The following HTR2A variants were observed in gnomAD, a reference collection of about 807,000 sequenced individuals.
HTR2A encodes 5-hydroxytryptamine receptor 2A, also known as 5-HT2 receptor.
Under a neutral mutation model 31.0 loss-of-function variants are expected in HTR2A, and 14 were observed. The observed-to-expected ratio is 0.45, with a 90% CI of 0.30 to 0.71. The LOEUF is 0.71. Ranked by LOEUF, HTR2A falls within the 30% of genes least tolerant of loss-of-function variation. HTR2A has a pLI of 0.09. For synonymous variants in HTR2A, 209 were observed against 225.2 expected, an observed-to-expected ratio of 0.93 and a Z score of 0.64; for missense variants, 442 against 573.3, an observed-to-expected ratio of 0.77 and a Z score of 2.34.
rs544014145 is a variant in HTR2A, at chr13:46,881,265, G to A, written c.613+11125C>T. Among the ~76,000 whole-genome samples, 43 of 152,280 alleles carry A rather than the reference G, an allele frequency of 2.8e-4. 1 individual carries two copies. The South Asian group carries it at 8.7e-3, about 31-fold the overall frequency. The stretch of plus-strand genomic sequence containing the variant: ...CAAGAGAAGGGGTGGGCCAAGTGGT[G>A]GCCCTGCGGATCCTTTGTTTCAGGG... On this transcript the variant is annotated intron_variant, in intron 3 of 3. Coordinates refer to ENST00000542664, the MANE Select transcript of HTR2A (RefSeq NM_000621.5).
intron 3 of HTR2A, among the ~76,000 whole-genome samples, chr13:46,850,726 C>T (rs1226220642): frequency 4.6e-5 from 7 of 152,242 alleles, no homozygotes; most frequent in African/African-American, 7.2e-5. Flanking sequence ...AGGGGCTATA[C>T]GTTTCTCATT....
rs750891530 is a variant in HTR2A, at chr13:46,892,421, C to T, written c.582G>A (p.Leu194=). The change falls in exon 3 of 4, where the codon CTG becomes CTA. Residue 194 remains leucine, a synonymous_variant. Transcript: ENST00000542664. The part of the protein sequence containing the change: ...SRFNSRTKAF[L]KIIAVWTISV... ...ATATGGTCCAAACAGCAATGATTTT[C>T]AGAAATGCCTTAGTTCTGGAGTTGA... 1.2e-6 allele frequency: 2 copies of T among 1,614,098 alleles called. No homozygotes were observed. Among genetic ancestry groups the T allele is most frequent in the African/African-American group, 2.7e-5 (2 of 74,942 alleles).
At chr13:46,888,195 C>T (rs1055518465) in intron 3 of HTR2A, among the ~76,000 whole-genome samples, 1 of 151,972 alleles carries the variant, frequency 6.6e-6, no homozygotes, top group East Asian at 1.9e-4. Context: ...GGGGCAGAAG[C>T]AATATTTGAA....
intron 3 of HTR2A, among the ~76,000 whole-genome samples, chr13:46,879,617 C>T (rs926725435): frequency 1.3e-5 from 2 of 152,158 alleles, no homozygotes; most frequent in Non-Finnish European, 2.9e-5. Flanking sequence ...AACAATTGTG[C>T]ATGATGGTCT....
At chr13:46,857,775 A>G (rs1056054188) in intron 3 of HTR2A, among the ~76,000 whole-genome samples, 1 of 152,204 alleles carries the variant, frequency 6.6e-6, no homozygotes, top group Non-Finnish European at 1.5e-5. Flanking sequence ...GTAATTTGAT[A>G]TGAGGTAAGG....
rs1876366706 is a variant in HTR2A at position 46,834,601 on chromosome 13, A to G, written c.*236T>C. 2 of 481,564 alleles carry G rather than the reference A, an allele frequency of 4.2e-6. No individual in the cohort carries two copies. Among genetic ancestry groups the G allele is most frequent in the Admixed American group, 7.4e-5 (2 of 27,004 alleles). 29.8% of individuals were successfully genotyped at this position (481,564 alleles called of 1,614,324 possible). On this transcript the variant is annotated 3_prime_UTR_variant, in exon 4 of 4. Coordinates refer to ENST00000542664, the MANE Select transcript of HTR2A (RefSeq NM_000621.5). Reference sequence around the variant, plus strand: ...TCATTTTAAAGACATATCATTTACAATGTTATAAATAAGTATCAGAAAGCT... The same window carrying G: ...TCATTTTAAAGACATATCATTTACAGTGTTATAAATAAGTATCAGAAAGCT...
intron 3 of HTR2A, among the ~76,000 whole-genome samples, chr13:46,876,143 C>G (rs73175521): frequency 0.045 from 6,912 of 152,076 alleles, 171 homozygotes; most frequent in Middle Eastern, 0.079. Flanking sequence ...ATCATAACAT[C>G]TTTCTTCCAT....
In HTR2A at chr13:46,834,876, G is replaced by A; in HGVS notation, c.1377C>T (p.Asp459=). ...CCTTTTCATTCACTCCGTCGCTATT[G>A]TCTTTAGAAGCCTCTTCAGAATGCT... The part of the protein sequence containing the change: ...GKQHSEEASK[D]NSDGVNEKVS... The change falls in exon 4 of 4, where the codon GAC becomes GAT. Residue 459 remains aspartate, a synonymous_variant. Transcript: ENST00000542664. The A allele has an allele frequency of 6.2e-7, 1 of 1,613,634 alleles. No homozygotes were observed. The highest frequency in any genetic ancestry group is 8.5e-7 in the Non-Finnish European group (1 of 1,179,836).
At chr13:46,882,123 A>T in intron 3 of HTR2A, among the ~76,000 whole-genome samples, 1 of 152,200 alleles carries the variant, frequency 6.6e-6, no homozygotes, top group South Asian at 2.1e-4. Flanking sequence ...CAAAAGGTCT[A>T]GAAAGTAGAT....
chr13:46,838,543 T>C (rs918526121), intron 3 of HTR2A, among the ~76,000 whole-genome samples: 4 of 152,170 alleles, frequency 2.6e-5, no homozygotes, highest in African/African-American at 7.2e-5. Flanking sequence ...TTGTATACAC[T>C]AGATTTTATA....
At chr13:46,852,864 T>C (rs2770299) in intron 3 of HTR2A, among the ~76,000 whole-genome samples, 150,082 of 152,316 alleles carry the variant, frequency 0.99, 73,971 homozygotes, top group East Asian at 1. Flanking sequence ...TGGTGGAAAA[T>C]GAACACCTTA....
chr13:46,843,663 G>A (rs926560292), intron 3 of HTR2A, among the ~76,000 whole-genome samples: 2 of 152,040 alleles, frequency 1.3e-5, no homozygotes, highest in Non-Finnish European at 2.9e-5. Flanking sequence ...CATGGGGAAG[G>A]GGCAATCTAA....
intron 3 of HTR2A, among the ~76,000 whole-genome samples, chr13:46,874,656 G>T (rs1950892280): frequency 6.6e-6 from 1 of 152,240 alleles, no homozygotes; most frequent in South Asian, 2.1e-4. Flanking sequence ...GGCAAGGTTG[G>T]TGTCTTGCCA....
chr13:46,896,442 G>C (rs899599530), intron 1 of HTR2A, among the ~76,000 whole-genome samples: 5 of 152,180 alleles, frequency 3.3e-5, no homozygotes, highest in African/African-American at 1.2e-4. Flanking sequence ...TGTACTTTGG[G>C]TTACAGTTCT....
intron 3 of HTR2A, among the ~76,000 whole-genome samples, chr13:46,840,413 T>G (rs1054721614): frequency 6.6e-6 from 1 of 152,202 alleles, no homozygotes; most frequent in African/African-American, 2.4e-5. Context: ...TTTCTCAGAT[T>G]AATTCCAAAT....
chr13:46,884,864 A>T (rs1010201025), intron 3 of HTR2A, among the ~76,000 whole-genome samples: 2 of 151,934 alleles, frequency 1.3e-5, no homozygotes, highest in Admixed American at 1.3e-4. Context: ...TCACTATATT[A>T]TCATTAGTTT....
Position 46,835,542 on chromosome 13 carries a change from G to T in HTR2A, c.711C>A (p.Ile237=). The T allele has an allele frequency of 6.2e-7, 1 of 1,613,966 alleles. No homozygotes were observed. The change falls in exon 4 of 4, where the codon ATC becomes ATA. Residue 237 remains isoleucine (I), a synonymous_variant. Transcript: ENST00000542664. ...GAATGAAAAATGACACAAAAGAGCCGATCAGGACAAAGTTATCATCGGCGA... is the reference window on the plus strand; with the variant it reads ...GAATGAAAAATGACACAAAAGAGCCTATCAGGACAAAGTTATCATCGGCGA... ...CLLADDNFVL[I]GSFVSFFIPL... is the part of the protein sequence containing the mutation.
At chr13:46,859,466 C>G (rs563877657) in intron 3 of HTR2A, among the ~76,000 whole-genome samples, 1 of 152,148 alleles carries the variant, frequency 6.6e-6, no homozygotes, top group East Asian at 1.9e-4. Flanking sequence ...TGTGTCCCTG[C>G]TCAAATCTCC....
intron 3 of HTR2A, among the ~76,000 whole-genome samples, chr13:46,883,249 G>A (rs908531031): frequency 6.6e-6 from 1 of 152,174 alleles, no homozygotes; most frequent in Non-Finnish European, 1.5e-5. Context: ...ATGAAGGCAA[G>A]AGGTTAGGTC....
Sources: allele counts gnomAD v4.1 joint callset (sites outside exome capture counted in the v4.1 genomes callset), GRCh38; gene constraint gnomAD v4.1.1; transcripts MANE v1.5; gene names NCBI Gene and HGNC (gene_info 2026-07-23, HGNC 2026-07-21).